The following NUP205 variants were observed in gnomAD, a reference collection of about 807,000 sequenced individuals.
NUP205 encodes the protein nucleoporin 205, also known as nuclear pore complex protein Nup205.
In NUP205, 76 loss-of-function variants were observed where a neutral mutation model predicts 253.8. The observed-to-expected ratio is 0.30, with a 90% confidence interval of 0.25 to 0.36. NUP205 has a LOEUF of 0.36. Ranked by LOEUF, NUP205 falls within the 10% of genes least tolerant of loss-of-function variation. The probability of loss-of-function intolerance (pLI) is 1.00; values close to 1 mark genes in which losing one functional copy is unlikely to be tolerated. For missense variants in NUP205, 2,162 were observed against 2,425.5 expected (o/e 0.89, Z 2.28); for synonymous variants, 832 against 850.1 (o/e 0.98, Z 0.37).
Position 135,644,899 on chromosome 7 carries a change from G to A in NUP205, c.5564G>A (p.Cys1855Tyr). 1 of 1,613,496 alleles carries A rather than the reference G, an allele frequency of 6.2e-7. No homozygotes were observed. Among genetic ancestry groups the A allele is most frequent in the Admixed American group, 1.7e-5 (1 of 59,888 alleles). The change falls in exon 40 of 43, where the codon TGT becomes TAT. Residue 1855 changes from cysteine to tyrosine, a missense_variant. By Grantham distance (194) the Cys-to-Tyr change is radical (BLOSUM62 -2). Around this residue, in one of 5 missense-constraint regions of NUP205, gnomAD observed 1,144 missense variants for 1,280.9 expected, o/e 0.89. Coordinates refer to ENST00000285968, the MANE Select transcript of NUP205 (RefSeq NM_015135.3). ...TACCACATTTGTTTCTTCTAGTTGT[G>A]TCAGTCTGTGATGCCTGCTGGTGTT... is the stretch of plus-strand genomic sequence containing the variant. ...QLPPDEIKEL[C>Y]QSVMPAGVDK...
intron 5 of NUP205, among the ~76,000 whole-genome samples, 154 bp from the exon 6 acceptor site, chr7:135,577,642 G>C (rs1379478047): frequency 1.3e-5 from 2 of 152,084 alleles, no homozygotes; most frequent in African/African-American, 4.8e-5. Context: ...TAAACAATAG[G>C]GTTTGTTCAG....
rs112867264 is a variant in NUP205, at chr7:135,606,783, C to T, written c.2938C>T (p.Arg980Cys). Residue 980 changes from arginine (R) to cysteine (C), a missense_variant, in exon 21 of 43, where the codon CGT becomes TGT. This residue lies in a region of NUP205 where 1,144 missense variants were observed against 1,280.9 expected (regional missense o/e 0.89). Transcript: ENST00000285968. ...SELEKKLVAI[R>C]HETRIHILNL... ...ACTTGAAAAGAAATTAGTTGCAATT[C>T]GTCATGAAACAAGAATCCACATCTT... 1.4e-4 allele frequency: 225 copies of T among 1,613,586 alleles called. No individual in the cohort carries two copies. Among genetic ancestry groups the T allele is most frequent in the South Asian group, 6.7e-4 (61 of 91,044 alleles).
In NUP205 at chr7:135,567,120, C is replaced by CTATATA. The variant is rs1805783506; in HGVS notation, c.29-3982_29-3981insATATAT. 4.1e-4 allele frequency among the ~76,000 whole-genome samples: 22 copies of CTATATA among 53,848 alleles called. 3 individuals are homozygous for CTATATA. Among genetic ancestry groups the CTATATA allele is most frequent in the East Asian group, 8.6e-4 (1 of 1,158 alleles). The allele number at this position is 53,848 out of a possible 152,430, so 35.3% of individuals were successfully genotyped here. A position where few individuals can be genotyped will look rare whatever the true frequency, so the allele number is the denominator to read the frequency against. On this transcript the variant is annotated intron_variant, in intron 1 of 42. Transcript: ENST00000285968. ...TGGGATTCTGTCTGTCTTGCTCAGTCTATGTGTGTATATATATATATATAT... is the reference window on the plus strand; with the variant it reads ...TGGGATTCTGTCTGTCTTGCTCAGTCTATATATATGTGTGTATATATATATATATAT...
chr7:135,615,831 A>G (rs1208878065), intron 23 of NUP205, 85 bp from the exon 24 acceptor site: 3 of 779,438 alleles, frequency 3.8e-6, no homozygotes, highest in African/African-American at 1.8e-5. Context: ...TACATGGGAA[A>G]ATATCTGTTG....
rs201196772 is a variant in NUP205 at position 135,571,137 on chromosome 7, T to G, written c.61T>G (p.Trp21Gly). 1.9e-6 allele frequency: 3 copies of G among 1,550,414 alleles called. No individual in the cohort carries two copies. In the East Asian group the frequency reaches 7.6e-5, roughly 39 times the overall value. The change falls in exon 2 of 43, where the codon TGG becomes GGG. Residue 21 changes from tryptophan (W) to glycine (G), a missense_variant. Transcript: ENST00000285968. Reference sequence around the variant, plus strand: ...TCTATGGGGTCCTTACAAAGACATTTGGCATAAAGTGGGAAATGCTCTTTG... The same window carrying G: ...TCTATGGGGTCCTTACAAAGACATTGGGCATAAAGTGGGAAATGCTCTTTG... ...ASLWGPYKDI[W>G]HKVGNALWRR... is the part of the protein sequence containing the mutation.
intron 1 of NUP205, among the ~76,000 whole-genome samples, chr7:135,562,709 A>C (rs564923193): frequency 6.6e-6 from 1 of 151,774 alleles, no homozygotes; most frequent in Non-Finnish European, 1.5e-5. Flanking sequence ...CACCACACCC[A>C]GCTAATTTTT....
At position 135,597,225 on chromosome 7, in the gene NUP205, G is replaced by T. The variant is rs1220831340; in HGVS notation, c.2014-143G>T. On this transcript the variant is annotated intron_variant, in intron 13 of 42. Transcript: ENST00000285968. ...AGAACTGCTAATGAAAGTCCATCCAGGGACTAATTGATTGTCATTTTGGTG... is the reference window on the plus strand; with the variant it reads ...AGAACTGCTAATGAAAGTCCATCCATGGACTAATTGATTGTCATTTTGGTG... 8 of 557,224 alleles carry T rather than the reference G, an allele frequency of 1.4e-5. No homozygotes were observed. In the Admixed American group the frequency reaches 2.0e-4, roughly 14 times the overall value. The allele number at this position is 557,224 out of a possible 1,614,324, so 34.5% of individuals were successfully genotyped here. A position where few individuals can be genotyped will look rare whatever the true frequency, so the allele number is the denominator to read the frequency against.
intron 31 of NUP205, among the ~76,000 whole-genome samples, chr7:135,624,524 C>T (rs943488794): frequency 6.6e-6 from 1 of 152,076 alleles, no homozygotes; most frequent in African/African-American, 2.4e-5. Context: ...TACAGGTGCC[C>T]ACCACCACGC....
chr7:135,644,787 T>G (rs1042595193), intron 39 of NUP205, 108 bp from the exon 40 acceptor site: 3 of 1,078,984 alleles, frequency 2.8e-6, no homozygotes, highest in Non-Finnish European at 4.0e-6. Flanking sequence ...GATGTTTAAA[T>G]TTGAGTGTTT....
At chr7:135,606,684 A>G in intron 20 of NUP205, 67 bp from the exon 21 acceptor site, 3 of 1,283,022 alleles carry the variant, frequency 2.3e-6, no homozygotes, top group East Asian at 4.6e-5. Context: ...CAAGTTTTGT[A>G]TTTTTTATTT....
At chr7:135,596,909 A>G (rs917494751) in intron 13 of NUP205, among the ~76,000 whole-genome samples, 7 of 150,842 alleles carry the variant, frequency 4.6e-5, no homozygotes, top group Non-Finnish European at 1.0e-4. Flanking sequence ...GTGAGCCAAG[A>G]TCATGCCACT....
At chr7:135,575,658 T>C (rs1382166899) in intron 3 of NUP205, among the ~76,000 whole-genome samples, 1 of 152,046 alleles carries the variant, frequency 6.6e-6, no homozygotes, top group Non-Finnish European at 1.5e-5. Flanking sequence ...AGCTGGGTGC[T>C]ATGGCAAGTG....
In NUP205 at chr7:135,627,173, G is replaced by A. The variant is rs552545958; in HGVS notation, c.4794-800G>A. Among the ~76,000 whole-genome samples, 7 of 151,774 alleles carry A rather than the reference G, an allele frequency of 4.6e-5. No individual in the cohort carries two copies. The East Asian group carries it at 5.8e-4, about 13-fold the overall frequency. On this transcript the variant is annotated intron_variant, in intron 33 of 42. Transcript: ENST00000285968. ...TCTCTTATTTTCTTATTCTGCTTTC[G>A]TTCCCCCTCAATAGGCAGCCATTTT...
intron 42 of NUP205, among the ~76,000 whole-genome samples, chr7:135,647,858 T>G (rs1276261995): frequency 6.6e-6 from 1 of 152,236 alleles, no homozygotes; most frequent in East Asian, 1.9e-4. Flanking sequence ...AAGATCCATC[T>G]GAAACTACAT....
chr7:135,586,210 A>G (rs1806459672), intron 8 of NUP205, among the ~76,000 whole-genome samples: 1 of 152,190 alleles, frequency 6.6e-6, no homozygotes, highest in East Asian at 1.9e-4. Flanking sequence ...AAAAGTATAA[A>G]TTGATTATCA....
At chr7:135,600,272 G>A (rs139115371) in intron 15 of NUP205, among the ~76,000 whole-genome samples, 21 of 152,250 alleles carry the variant, frequency 1.4e-4, no homozygotes, top group African/African-American at 4.8e-4. Context: ...ATAAGAAGGC[G>A]ATAATGGGAA....
At chr7:135,569,156 C>T (rs777605635) in intron 1 of NUP205, among the ~76,000 whole-genome samples, 20 of 152,266 alleles carry the variant, frequency 1.3e-4, no homozygotes, top group African/African-American at 4.1e-4. Context: ...CTCCAACCTC[C>T]GCCTCCTGGG....
At chr7:135,569,463 C>A (rs1407069831) in intron 1 of NUP205, among the ~76,000 whole-genome samples, 1 of 151,938 alleles carries the variant, frequency 6.6e-6, no homozygotes, top group Non-Finnish European at 1.5e-5. Context: ...CATTTACTTT[C>A]CAGTAAATTA....
Position 135,577,022 on chromosome 7 carries a change from G to A in NUP205, c.542G>A (p.Gly181Glu), listed in dbSNP as rs1350807317. The change falls in exon 5 of 43, where the codon GGA becomes GAA. Residue 181 changes from glycine (G) to glutamate (E), a missense_variant. Gly to Glu is a moderately conservative substitution (Grantham distance 98, BLOSUM62 -2). Around this residue, in one of 5 missense-constraint regions of NUP205, gnomAD observed 892 missense variants for 957.1 expected, o/e 0.93. Transcript: ENST00000285968. ...TTTACAGATGAGCTGATGGAGCAAG[G>A]ATTGACTTATAAAGTTCTTACGCTG... ...TRFTDELMEQ[G>E]LTYKVLTLVS... 1.2e-6 allele frequency: 2 copies of A among 1,614,096 alleles called. No homozygotes were observed. The highest frequency in any genetic ancestry group is 2.2e-5 in the South Asian group (2 of 91,082).
Sources: allele counts gnomAD v4.1 joint callset (sites outside exome capture counted in the v4.1 genomes callset), GRCh38; gene constraint gnomAD v4.1.1; regional missense constraint gnomAD v4.1.1; transcripts MANE v1.5; gene names NCBI Gene and HGNC (gene_info 2026-07-23, HGNC 2026-07-21).